Variants in ERMP1 observed in about 807,000 individuals in gnomAD.
ERMP1 encodes the protein endoplasmic reticulum metallopeptidase 1, also known as Felix-ina.
ERMP1 carries 86 observed loss-of-function variants against 92.0 expected under a neutral mutation model. The ratio of observed to expected loss-of-function variants is 0.93; its 90% CI spans 0.79 to 1.12. The LOEUF is 1.12. Ranked by LOEUF, ERMP1 falls within the 50% of genes most tolerant of loss-of-function variation. ERMP1 has a pLI of 0.00. For missense variants in ERMP1, 1,342 were observed against 1,116.3 expected (o/e 1.20, Z -2.88); for synonymous variants, 530 against 412.8 (o/e 1.28, Z -3.44).
In ERMP1 at chr9:5,800,197, T is replaced by G. The variant is rs373951615; in HGVS notation, c.2067+979A>C. On this transcript the variant is annotated intron_variant, in intron 11 of 14. Transcript: ENST00000339450. ...AAAATATACAATATGTTAGTATGTG[T>G]TCACAAACATGAGAAAGGGATGGGT... Among the ~76,000 whole-genome samples the G allele has an allele frequency of 1.5e-4, 23 of 152,338 alleles. No homozygotes were observed. In the East Asian group the frequency reaches 3.9e-3, roughly 26 times the overall value.
At chr9:5,866,495 A>T (rs191520705) in intron 5 of ERMP1, among the ~76,000 whole-genome samples, 58 of 152,262 alleles carry the variant, frequency 3.8e-4, no homozygotes, top group Middle Eastern at 3.4e-3. Context: ...AACAGCCCAG[A>T]ATTGGTAGCT....
At chr9:5,841,732 A>T (rs1195941402) in intron 6 of ERMP1, among the ~76,000 whole-genome samples, 1 of 152,240 alleles carries the variant, frequency 6.6e-6, no homozygotes, top group Non-Finnish European at 1.5e-5. Flanking sequence ...CAGAGGCTGC[A>T]GTGAGCCAAG....
intron 5 of ERMP1, among the ~76,000 whole-genome samples, chr9:5,862,218 G>C (rs1175670312): frequency 6.7e-6 from 1 of 150,040 alleles, no homozygotes; most frequent in Non-Finnish European, 1.5e-5. Context: ...TTTTTGTAGA[G>C]ATGGGATCCC....
At chr9:5,807,736 A>G (rs752124991) in intron 8 of ERMP1, among the ~76,000 whole-genome samples, 5 of 151,808 alleles carry the variant, frequency 3.3e-5, no homozygotes, top group African/African-American at 7.3e-5. Flanking sequence ...ACAGAGTGAG[A>G]CTCTGTCTCA....
intron 10 of ERMP1, among the ~76,000 whole-genome samples, chr9:5,802,927 G>A (rs1303564614): frequency 6.6e-6 from 1 of 152,058 alleles, no homozygotes; most frequent in Non-Finnish European, 1.5e-5. Flanking sequence ...AATATTTCAG[G>A]AAGGCCGAGG....
chr9:5,810,030 G>A lies in ERMP1; in HGVS notation c.1529C>T (p.Ala510Val), dbSNP rs543515732. 22 of 1,608,620 alleles carry A rather than the reference G, an allele frequency of 1.4e-5. No homozygotes were observed. Among genetic ancestry groups the A allele is most frequent in the East Asian group, 6.7e-5 (3 of 44,836 alleles). ...ACTTACCATGTAATAAAATCTTTTC[G>A]CAAGAGTATGTATAAGTATTATTTT... ...VAKIILIHTL[A>V]KRFYYMNASA... Residue 510 changes from alanine (A) to valine (V), a missense_variant, in exon 8 of 15, where the codon GCG becomes GTG. Physicochemically the swap from Ala to Val is moderately conservative, Grantham distance 64 (BLOSUM62 0). Coordinates refer to ENST00000339450, the MANE Select transcript of ERMP1 (RefSeq NM_024896.3).
At chr9:5,822,250 T>C (rs142741688) in intron 4 of ERMP1, among the ~76,000 whole-genome samples, 1 of 152,142 alleles carries the variant, frequency 6.6e-6, no homozygotes, top group African/African-American at 2.4e-5. Context: ...AGACCCTGCT[T>C]CAAAATAAAT....
Position 5,832,871 on chromosome 9 carries a change from T to A in ERMP1, c.157A>T (p.Ser53Cys). 6.6e-7 allele frequency: 1 copy of A among 1,526,392 alleles called. No homozygotes were observed. The highest frequency in any genetic ancestry group is 2.7e-5 in the East Asian group (1 of 37,158). The allele number at this position is 1,526,392 out of a possible 1,614,324, so 94.6% of individuals were successfully genotyped here. A position where few individuals can be genotyped will look rare whatever the true frequency, so the allele number is the denominator to read the frequency against. Residue 53 changes from serine to cysteine, a missense_variant, in exon 1 of 15, where the codon AGC becomes TGC. Coordinates refer to ENST00000339450, the MANE Select transcript of ERMP1 (RefSeq NM_024896.3). ...CSGGGRTRKRSPGGSGGASRG... is the reference protein window; with the variant it reads ...CSGGGRTRKRCPGGSGGASRG... ...CTCGCGCCGCCGCTACCCCCGGGGC[T>A]CCTCTTCCGCGTCCTCCCGCCGCCG...
chr9:5,827,041 C>G (rs1011354630), intron 2 of ERMP1, among the ~76,000 whole-genome samples: 3 of 152,112 alleles, frequency 2.0e-5, no homozygotes, highest in African/African-American at 7.2e-5. Flanking sequence ...AAATTGAAGC[C>G]ACCCCCAAAA....
chr9:5,835,813 T>C (rs1411190651), upstream of ERMP1, among the ~76,000 whole-genome samples: 1 of 152,212 alleles, frequency 6.6e-6, no homozygotes, highest in East Asian at 1.9e-4. Flanking sequence ...CTAGAACATA[T>C]AGGCTTATAA....
intron 6 of ERMP1, among the ~76,000 whole-genome samples, chr9:5,847,842 T>C (rs1477312787): frequency 6.7e-6 from 1 of 148,554 alleles, no homozygotes; most frequent in East Asian, 2.0e-4. Context: ...TTGCAGTGAG[T>C]CGAGATGGCA....
At chr9:5,835,364 G>C (rs537914771), upstream of ERMP1, among the ~76,000 whole-genome samples, 1 of 151,986 alleles carries the variant, frequency 6.6e-6, no homozygotes, top group Non-Finnish European at 1.5e-5. Flanking sequence ...GCGCGCGCAT[G>C]TGTGTGTGTG....
At chr9:5,857,943 T>C (rs773961697) in intron 6 of ERMP1, among the ~76,000 whole-genome samples, 1 of 152,226 alleles carries the variant, frequency 6.6e-6, no homozygotes, top group Non-Finnish European at 1.5e-5. Context: ...GATAGTCAAC[T>C]GACACATATT....
intron 6 of ERMP1, among the ~76,000 whole-genome samples, chr9:5,859,199 T>C (rs544431447): frequency 1.1e-3 from 162 of 152,318 alleles, no homozygotes; most frequent in Non-Finnish European, 1.8e-3. Flanking sequence ...TAGCAGGAAG[T>C]CCTTCTGAAA....
intron 6 of ERMP1, among the ~76,000 whole-genome samples, chr9:5,858,005 G>T (rs558519870): frequency 2.8e-4 from 42 of 152,314 alleles, no homozygotes; most frequent in African/African-American, 9.6e-4. Flanking sequence ...GATGTGGCAG[G>T]TCCCAAGACA....
At chr9:5,836,758 C>T (rs1830100009), upstream of ERMP1, among the ~76,000 whole-genome samples, 1 of 152,166 alleles carries the variant, frequency 6.6e-6, no homozygotes, top group Non-Finnish European at 1.5e-5. Context: ...CAATGGTCAG[C>T]TCCACGGATC....
rs376163454 is a variant in ERMP1 at position 5,787,240 on chromosome 9, G to A, written c.2619C>T (p.Asp873=). The A allele has an allele frequency of 1.9e-6, 3 of 1,614,064 alleles. No individual in the cohort carries two copies. The highest frequency in any genetic ancestry group is 2.5e-6 in the Non-Finnish European group (3 of 1,179,976). Residue 873 remains aspartate (D), a synonymous_variant, in exon 15 of 15, where the codon GAC becomes GAT. Coordinates refer to ENST00000339450, the MANE Select transcript of ERMP1 (RefSeq NM_024896.3). ...GAGCATCCAGTTGAGGGGATCTCTT[G>A]TCTTCCCCAGACAGATAGTGGGCAG... is the stretch of plus-strand genomic sequence containing the variant. ...AIAAHYLSGE[D]KRSPQLDALK...
chr9:5,827,535 T>G (rs1184734233), intron 2 of ERMP1, among the ~76,000 whole-genome samples: 2 of 152,234 alleles, frequency 1.3e-5, no homozygotes, highest in Non-Finnish European at 2.9e-5. Flanking sequence ...TTGAGATTGT[T>G]GCTAAGGGTA....
At chr9:5,845,436 G>C (rs1306483465) in intron 6 of ERMP1, among the ~76,000 whole-genome samples, 1 of 152,114 alleles carries the variant, frequency 6.6e-6, no homozygotes, top group Non-Finnish European at 1.5e-5. Context: ...CTTAAAGTTT[G>C]AGGGAGTGGG....
Sources: allele counts gnomAD v4.1 joint callset (sites outside exome capture counted in the v4.1 genomes callset), GRCh38; gene constraint gnomAD v4.1.1; transcripts MANE v1.5; gene names NCBI Gene and HGNC (gene_info 2026-07-23, HGNC 2026-07-21).